ACOX3: variants seen among roughly 807,000 people sequenced by gnomAD.
ACOX3 encodes the protein acyl-CoA oxidase 3, pristanoyl.
Under a neutral mutation model 81.5 loss-of-function variants are expected in ACOX3, and 73 were observed. The observed-to-expected ratio is 0.90, with a 90% CI of 0.74 to 1.09. The LOEUF is 1.09. Ranked by LOEUF, ACOX3 falls within the 50% of genes least tolerant of loss-of-function variation. The pLI, the probability that ACOX3 is intolerant of heterozygous loss-of-function variation, is 0.00. For synonymous variants in ACOX3, 387 were observed against 375.1 expected (o/e 1.03, Z -0.37); for missense variants, 947 against 928.0 (o/e 1.02, Z -0.27).
intron 14 of ACOX3, among the ~76,000 whole-genome samples, chr4:8,380,756 G>A (rs1312259921): frequency 6.6e-6 from 1 of 152,176 alleles, no homozygotes; most frequent in Non-Finnish European, 1.5e-5. Context: ...CCGTATCCAC[G>A]GCCTCCCTGC....
In ACOX3 at chr4:8,397,105, G is replaced by C. The variant is rs748468171; in HGVS notation, c.888C>G (p.Arg296=). The change falls in exon 9 of 18, where the codon CGC becomes CGG. Residue 296 remains arginine (R), a synonymous_variant. Coordinates refer to ENST00000356406, the MANE Select transcript of ACOX3 (RefSeq NM_003501.3). ...ACAGGCTCCCCAGGGACGCTCCAAA[G>C]CGCTGCCTGACGTCCTACGGGAGGG... The part of the protein sequence containing the change: ...YVSPFKDVRQ[R]FGASLGSLSS... 5 of 1,560,794 alleles carry C rather than the reference G, an allele frequency of 3.2e-6. No homozygotes were observed. The South Asian group carries it at 4.8e-5, about 15-fold the overall frequency.
Position 8,416,292 on chromosome 4 carries a change from G to A in ACOX3, c.144+86C>T. 4 of 1,606,316 alleles carry A rather than the reference G, an allele frequency of 2.5e-6. No individual in the cohort carries two copies. The highest frequency in any genetic ancestry group is 4.3e-4 in the Middle Eastern group (2 of 4,656). On this transcript the variant is annotated intron_variant, in intron 2 of 17. Transcript: ENST00000356406. This position sits in a 1 kb window ranked among gnomAD's most constrained non-coding sequence, Gnocchi z 4.2. ...ATGAGCCTCGCCCGGCAGAGGAGGA[G>A]CTGTGAGAGCCAGAAATCCCATTCT...
chr4:8,407,174 C>T lies in ACOX3; in HGVS notation c.688-1131G>A, dbSNP rs948964162. Among the ~76,000 whole-genome samples the T allele has an allele frequency of 6.6e-6, 1 of 152,234 alleles. No homozygotes were observed. The highest frequency in any genetic ancestry group is 1.5e-5 in the Non-Finnish European group (1 of 68,036). The stretch of plus-strand genomic sequence containing the variant: ...CTGGTCACTCCTCACTATGTCCCCT[C>T]AGCTCCTATCTCTGTATGGCCTGGT... On this transcript the variant is annotated intron_variant, in intron 6 of 17. Transcript: ENST00000356406. The surrounding 1 kb of genome is among the most constrained non-coding windows in gnomAD (Gnocchi z 4.6).
Position 8,394,520 on chromosome 4 carries a change from A to C in ACOX3, c.1179+100T>G, listed in dbSNP as rs79324995. The C allele has an allele frequency of 7.1e-4, 1,076 of 1,510,102 alleles. 7 individuals carry two copies. The African/African-American group carries it at 0.014, about 19-fold the overall frequency. The allele number at this position is 1,510,102 out of a possible 1,614,324, so 93.5% of individuals were successfully genotyped here. Reference sequence around the variant, plus strand: ...CTGGAGGAATGCTCTGTCCTCGCAAATCAAAGGACTGATTTTGCTTTGAAA... The same window carrying C: ...CTGGAGGAATGCTCTGTCCTCGCAACTCAAAGGACTGATTTTGCTTTGAAA... On this transcript the variant is annotated intron_variant, in intron 10 of 17. Coordinates refer to ENST00000356406, the MANE Select transcript of ACOX3 (RefSeq NM_003501.3). This position sits in a 1 kb window ranked among gnomAD's most constrained non-coding sequence, Gnocchi z 5.9.
chr4:8,386,459 C>T lies in ACOX3; in HGVS notation c.1537+2714G>A, dbSNP rs375900926. ...TGGGCTCCTGTAGTCCCAGCTACTC[C>T]GGAGGCTGAGGCAGGAGAATGGCGA... On this transcript the variant is annotated intron_variant, in intron 13 of 17. Transcript: ENST00000356406. The surrounding 1 kb of genome is among the most constrained non-coding windows in gnomAD (Gnocchi z 5.2). 3.0e-3 allele frequency among the ~76,000 whole-genome samples: 459 copies of T among 150,950 alleles called. 3 individuals are homozygous for T. Among genetic ancestry groups the T allele is most frequent in the African/African-American group, 0.01 (423 of 41,090 alleles).
chr4:8,417,356 A>G (rs1722449898), intron 1 of ACOX3, among the ~76,000 whole-genome samples: 1 of 152,200 alleles, frequency 6.6e-6, no homozygotes, highest in East Asian at 1.9e-4. Context: ...GCCGCTCAGG[A>G]TGCTGACTCC....
intron 1 of ACOX3, among the ~76,000 whole-genome samples, chr4:8,427,235 A>T (rs1056442125): frequency 6.6e-6 from 1 of 152,202 alleles, no homozygotes; most frequent in African/African-American, 2.4e-5. Context: ...GCACAGGGGG[A>T]GGGACAATGA....
At chr4:8,374,001 C>A in intron 15 of ACOX3, 1 of 242,910 alleles carries the variant, frequency 4.1e-6, no homozygotes, top group Non-Finnish European at 8.1e-6. Context: ...AGCAGGGGTG[C>A]ATGGCAGGGG....
Position 8,416,574 on chromosome 4 carries a change from C to A in ACOX3, c.-14-39G>T, listed in dbSNP as rs1466528184. 20 of 1,526,742 alleles carry A rather than the reference C, an allele frequency of 1.3e-5. No homozygotes were observed. The highest frequency in any genetic ancestry group is 1.7e-5 in the Non-Finnish European group (19 of 1,138,082). 94.6% of individuals were successfully genotyped at this position (1,526,742 alleles called of 1,614,324 possible). On this transcript the variant is annotated intron_variant, in intron 1 of 17. Transcript: ENST00000356406. The surrounding 1 kb of genome is among the most constrained non-coding windows in gnomAD (Gnocchi z 4.2). Reference sequence around the variant, plus strand: ...GCAACCTGAATCCATGCTCTCCCATCTATGGGTTCAAACTACCCCCACCAA... The same window carrying A: ...GCAACCTGAATCCATGCTCTCCCATATATGGGTTCAAACTACCCCCACCAA...
At position 8,374,980 on chromosome 4, in the gene ACOX3, C is replaced by T. The variant is rs200416377; in HGVS notation, c.1826G>A (p.Arg609Gln). The change falls in exon 15 of 18, where the codon CGA (arginine) becomes CAA (glutamine). Residue 609 changes from arginine (R) to glutamine (Q), a missense_variant and splice_region_variant. By Grantham distance (43) the Arg-to-Gln change is conservative. Transcript: ENST00000356406. ...AAGCCCGCAGTCAGAAGCCTCACCTCGGTAGAGCAGGGCCGCGTGGCGGCT... is the reference window on the plus strand; with the variant it reads ...AAGCCCGCAGTCAGAAGCCTCACCTTGGTAGAGCAGGGCCGCGTGGCGGCT... ...SLSRHAALLY[R>Q]GGYFSGEQAG... 202 of 1,517,002 alleles carry T rather than the reference C, an allele frequency of 1.3e-4. No individual in the cohort carries two copies. Among genetic ancestry groups the T allele is most frequent in the Non-Finnish European group, 1.7e-4 (186 of 1,124,448 alleles). The allele number at this position is 1,517,002 out of a possible 1,614,324, so 94.0% of individuals were successfully genotyped here.
Position 8,428,984 on chromosome 4 carries a change from C to G in ACOX3, c.-15+11664G>C, listed in dbSNP as rs567484376. Among the ~76,000 whole-genome samples the G allele has an allele frequency of 2.6e-5, 4 of 152,324 alleles. No homozygotes were observed. In the South Asian group the frequency reaches 6.2e-4, roughly 24 times the overall value. ...AGAGCCCCTAGTGGAAGTGGGCCCT[C>G]ATTGACCAGAGCAGCAACCAGCTCA... On this transcript the variant is annotated intron_variant, in intron 1 of 17. Transcript: ENST00000356406.
At chr4:8,377,081 C>T (rs149962408) in intron 14 of ACOX3, among the ~76,000 whole-genome samples, 81 of 152,190 alleles carry the variant, frequency 5.3e-4, no homozygotes, top group African/African-American at 1.6e-3. Context: ...CCTGTGTCCA[C>T]GAGAACACGA....
At chr4:8,375,970 G>A (rs1406931987) in intron 14 of ACOX3, among the ~76,000 whole-genome samples, 1 of 152,184 alleles carries the variant, frequency 6.6e-6, no homozygotes, top group Non-Finnish European at 1.5e-5. Flanking sequence ...GCGCTGCGAT[G>A]GACATACAGG....
chr4:8,358,745 A>G, the ACOX3 span, among the ~76,000 whole-genome samples: 1 of 152,178 alleles, frequency 6.6e-6, no homozygotes, highest in African/African-American at 2.4e-5. Flanking sequence ...TGCCATGGCA[A>G]CGTCAGGATG....
At chr4:8,367,158 T>C (rs1715561211) in intron 17 of ACOX3, 78 bp from the exon 18 acceptor site, 1 of 1,556,718 alleles carries the variant, frequency 6.4e-7, no homozygotes, top group Non-Finnish European at 8.7e-7. Flanking sequence ...AGTGTGCAAA[T>C]GCAACTCCTC....
At chr4:8,408,734 T>C (rs1002017986) in intron 6 of ACOX3, among the ~76,000 whole-genome samples, 1 of 152,088 alleles carries the variant, frequency 6.6e-6, no homozygotes, top group African/African-American at 2.4e-5. Flanking sequence ...GTGGTGACAG[T>C]CTTTTGTGTG....
intron 13 of ACOX3, among the ~76,000 whole-genome samples, chr4:8,387,048 C>T (rs1718399265): frequency 6.6e-6 from 1 of 152,246 alleles, no homozygotes; most frequent in African/African-American, 2.4e-5. Context: ...ATTCTGGTCT[C>T]CTGAATGCAA....
chr4:8,392,257 GT>G (rs1719082962), intron 11 of ACOX3, 75 bp downstream of exon 11: 3 of 1,358,368 alleles, frequency 2.2e-6, no homozygotes, highest in Non-Finnish European at 2.9e-6. Context: ...TCAGGCCGCA[GT>G]CTGCCGACCC....
At chr4:8,411,467 C>A (rs1407450332) in intron 5 of ACOX3, among the ~76,000 whole-genome samples, 1 of 152,238 alleles carries the variant, frequency 6.6e-6, no homozygotes, top group Non-Finnish European at 1.5e-5. Flanking sequence ...GTTCTCTTCT[C>A]TCAGGGGACC....
Sources: allele counts gnomAD v4.1 joint callset (sites outside exome capture counted in the v4.1 genomes callset), GRCh38; gene constraint gnomAD v4.1.1; non-coding constraint Gnocchi (gnomAD v3.1); transcripts MANE v1.5; gene names NCBI Gene and HGNC (gene_info 2026-07-23, HGNC 2026-07-21).